The following NFIC variants were observed in gnomAD, a reference collection of about 807,000 sequenced individuals.
NFIC encodes nuclear factor 1 C-type.
Under a neutral mutation model 54.4 loss-of-function variants are expected in NFIC, and 12 were observed. The observed-to-expected ratio is 0.22, with a 90% CI of 0.14 to 0.36. The LOEUF is 0.36. Ranked by LOEUF, NFIC falls within the 10% of genes least tolerant of loss-of-function variation. The pLI, the probability that NFIC is intolerant of heterozygous loss-of-function variation, is 1.00. For missense variants in NFIC, 575 were observed against 718.2 expected (o/e 0.80, Z 2.28); for synonymous variants, 322 against 319.2 (o/e 1.01, Z -0.09).
chr19:3,441,983 C>T (rs1427059178), intron 6 of NFIC, among the ~76,000 whole-genome samples: 1 of 152,238 alleles, frequency 6.6e-6, no homozygotes, highest in Non-Finnish European at 1.5e-5. Flanking sequence ...GCTCTCCCTT[C>T]CTCTGGCGGA....
intron 3 of NFIC, among the ~76,000 whole-genome samples, chr19:3,432,424 C>T (rs1469655265): frequency 2.6e-5 from 4 of 152,094 alleles, no homozygotes; most frequent in African/African-American, 9.7e-5. Context: ...ACACGGACCT[C>T]CCAGTCTGAA....
intron 2 of NFIC, among the ~76,000 whole-genome samples, chr19:3,412,348 A>C (rs1432737693): frequency 6.6e-6 from 1 of 152,124 alleles, no homozygotes; most frequent in Non-Finnish European, 1.5e-5. Context: ...CCTGGATTCA[A>C]GCCATCCCCA....
At chr19:3,366,799 G>T (rs957722033) in intron 1 of NFIC, 133 bp downstream of exon 1, 3 of 573,794 alleles carry the variant, frequency 5.2e-6, no homozygotes, top group African/African-American at 4.0e-5. Flanking sequence ...GATGCCCCCC[G>T]CGCCGAGGGC....
chr19:3,407,153 G>T (rs546870722), intron 2 of NFIC, among the ~76,000 whole-genome samples: 1 of 150,188 alleles, frequency 6.7e-6, no homozygotes, highest in Non-Finnish European at 1.5e-5. Flanking sequence ...TCGCTCTGTC[G>T]CCCAGGCTGG....
At chr19:3,366,488 GGAGACC>G, upstream of NFIC, 1 of 512,832 alleles carries the variant, frequency 1.9e-6, no homozygotes, top group Non-Finnish European at 3.4e-6. Context: ...GGAGGAGGAG[GGAGACC>G]GAGGGAGGAG....
chr19:3,387,935 C>T (rs1461812985), intron 2 of NFIC, among the ~76,000 whole-genome samples: 7 of 152,092 alleles, frequency 4.6e-5, no homozygotes, highest in African/African-American at 7.2e-5. Flanking sequence ...CAGGCCTCCC[C>T]GCCCCCTCTG....
In NFIC at chr19:3,464,306, C is replaced by T; in HGVS notation, c.*1537C>T. 1.0e-6 allele frequency: 1 copy of T among 985,184 alleles called. No individual in the cohort carries two copies. Among genetic ancestry groups the T allele is most frequent in the Non-Finnish European group, 1.2e-6 (1 of 829,834 alleles). The allele number at this position is 985,184 out of a possible 1,614,324, so 61.0% of individuals were successfully genotyped here. On this transcript the variant is annotated 3_prime_UTR_variant, in exon 11 of 11. Coordinates refer to ENST00000443272, the MANE Select transcript of NFIC (RefSeq NM_001245002.2). ...GGGGTTCGGCGTCGCACCTTGGGGC[C>T]CCCCGCAGCCGTGTAGGGGGCCTCC...
chr19:3,359,657 C>T (rs1315980005), exon 1 of NFIC: 1 of 1,393,402 alleles, frequency 7.2e-7, no homozygotes, highest in Non-Finnish European at 9.4e-7. Flanking sequence ...GCTCCGGCGC[C>T]GGCCTCGCCT....
chr19:3,366,959 T>TCC (rs5826818), intron 1 of NFIC, among the ~76,000 whole-genome samples: 144 of 130,768 alleles, frequency 1.1e-3, no homozygotes, highest in African/African-American at 3.9e-3. Context: ...CAGATTTGCG[T>TCC]CCCCCCCCCA....
intron 2 of NFIC, among the ~76,000 whole-genome samples, chr19:3,410,271 T>C (rs1031639983): frequency 6.6e-6 from 1 of 152,144 alleles, no homozygotes; most frequent in Non-Finnish European, 1.5e-5. Flanking sequence ...CAATTTGCTT[T>C]CCAGAACCAG....
chr19:3,371,898 TC>T (rs1412666341), intron 1 of NFIC, among the ~76,000 whole-genome samples: 4 of 106,802 alleles, frequency 3.7e-5, no homozygotes, highest in Non-Finnish European at 4.2e-5. Flanking sequence ...CTTCCTTCCT[TC>T]CTTCCTTCCT....
chr19:3,456,842 G>T, intron 10 of NFIC: 1 of 602,522 alleles, frequency 1.7e-6, no homozygotes, highest in Non-Finnish European at 3.0e-6. Context: ...TGGGGGGATG[G>T]GGTGTGGCCC....
intron 3 of NFIC, among the ~76,000 whole-genome samples, chr19:3,430,622 CTT>C (rs1261132025): frequency 6.6e-6 from 1 of 152,104 alleles, no homozygotes; most frequent in Non-Finnish European, 1.5e-5. Flanking sequence ...GCATCCCCTT[CTT>C]GTCTCTGTGG....
intron 2 of NFIC, among the ~76,000 whole-genome samples, chr19:3,390,810 A>G (rs923264890): frequency 6.8e-6 from 1 of 147,332 alleles, no homozygotes; most frequent in Non-Finnish European, 1.5e-5. Context: ...GGAGGTCCAT[A>G]GAGTCGCCAG....
At chr19:3,405,355 T>G (rs1237317058) in intron 2 of NFIC, among the ~76,000 whole-genome samples, 4 of 152,076 alleles carry the variant, frequency 2.6e-5, no homozygotes, top group Admixed American at 2.6e-4. Flanking sequence ...TGGGCTTGTG[T>G]TTTTTCCTCT....
chr19:3,437,261 A>G (rs940429419), intron 6 of NFIC, among the ~76,000 whole-genome samples: 2 of 151,958 alleles, frequency 1.3e-5, no homozygotes, highest in Non-Finnish European at 2.9e-5. Flanking sequence ...CCAGCTACTC[A>G]GGAGGCTGAG....
chr19:3,425,918 C>CTTTTTTTTT (rs869165549), intron 3 of NFIC, among the ~76,000 whole-genome samples: 1 of 54,488 alleles, frequency 1.8e-5, no homozygotes, highest in Non-Finnish European at 3.1e-5. Flanking sequence ...CCATGCCTGG[C>CTTTTTTTTT]TTTTTTTTTT....
intron 7 of NFIC, among the ~76,000 whole-genome samples, chr19:3,449,515 T>A (rs1455725986): frequency 6.6e-6 from 1 of 151,960 alleles, no homozygotes; most frequent in East Asian, 1.9e-4. Context: ...ATCCCGGCAC[T>A]TTGGGAGGCT....
rs1245105114 is a variant in NFIC, at chr19:3,370,506, T to C, written c.30+3840T>C. ...CTCTCTCTCTCTCTCTCTCTCTGTC[T>C]CCCTCCCTTTCTCCCCCCATCTCGC... On this transcript the variant is annotated intron_variant, in intron 1 of 10. Coordinates refer to ENST00000443272, the MANE Select transcript of NFIC (RefSeq NM_001245002.2). The surrounding 1 kb of genome is among the most constrained non-coding windows in gnomAD (Gnocchi z 5.2). Among the ~76,000 whole-genome samples, 1 of 149,126 alleles carries C rather than the reference T, an allele frequency of 6.7e-6. No homozygotes were observed. The highest frequency in any genetic ancestry group is 2.5e-5 in the African/African-American group (1 of 40,010).
Sources: allele counts gnomAD v4.1 joint callset (sites outside exome capture counted in the v4.1 genomes callset), GRCh38; gene constraint gnomAD v4.1.1; non-coding constraint Gnocchi (gnomAD v3.1); transcripts MANE v1.5; gene names NCBI Gene and HGNC (gene_info 2026-07-23, HGNC 2026-07-21).